Variants in BAX observed in about 807,000 individuals in gnomAD.
BAX encodes the protein BCL2 associated X, apoptosis regulator, also known as apoptosis regulator BAX.
A neutral mutation model predicts 26.8 loss-of-function variants in BAX; 21 were observed. That is an observed-to-expected ratio of 0.78 (90% CI 0.56 to 1.13). The LOEUF is 1.13. BAX is among the 50% of genes most tolerant of loss of function. The probability of loss-of-function intolerance (pLI) is 0.00; values close to 1 mark genes in which losing one functional copy is unlikely to be tolerated. For synonymous variants in BAX, 110 were observed against 101.8 expected, an observed-to-expected ratio of 1.08 and a Z score of -0.49; for missense variants, 236 against 254.6, an observed-to-expected ratio of 0.93 and a Z score of 0.50.
chr19:48,961,100 A>G, intron 5 of BAX, 186 bp downstream of exon 5: 1 of 1,577,828 alleles, frequency 6.3e-7, no homozygotes, highest in Non-Finnish European at 8.6e-7. Flanking sequence ...GTGTCTGATC[A>G]ATCCCCGATT....
chr19:48,960,005 T>G (rs867895259), intron 4 of BAX, among the ~76,000 whole-genome samples: 69 of 24,102 alleles, frequency 2.9e-3, no homozygotes, highest in South Asian at 6.7e-3. Context: ...AAAAAAAAAA[T>G]GGAAGCAGCT....
At chr19:48,959,758 G>A (rs573388209) in intron 4 of BAX, among the ~76,000 whole-genome samples, 2 of 151,006 alleles carry the variant, frequency 1.3e-5, no homozygotes, top group East Asian at 1.9e-4. Flanking sequence ...TCTGGGAGGC[G>A]GAGGTTGCAA....
At chr19:48,955,425 C>T in intron 1 of BAX, 123 bp from the exon 2 acceptor site, 1 of 1,135,754 alleles carries the variant, frequency 8.8e-7, no homozygotes, top group Non-Finnish European at 1.2e-6. Flanking sequence ...ACTTTATCTG[C>T]TAGGGTCCCA....
intron 5 of BAX, 42 bp from the exon 6 acceptor site, chr19:48,961,490 C>A (rs2038357721): frequency 2.0e-6 from 3 of 1,525,392 alleles, no homozygotes; most frequent in Non-Finnish European, 2.7e-6. Flanking sequence ...CAGGGGCTGC[C>A]CCTGGCCGAG....
At chr19:48,955,153 C>G in intron 1 of BAX, 191 bp downstream of exon 1, 1 of 681,124 alleles carries the variant, frequency 1.5e-6, no homozygotes, top group East Asian at 3.4e-5. Context: ...TGTCCCGATC[C>G]CTGCCTCTCT....
chr19:48,954,935 G>A lies in BAX; in HGVS notation c.7G>A (p.Gly3Arg), dbSNP rs553879570. 3 of 1,241,752 alleles carry A rather than the reference G, an allele frequency of 2.4e-6. No homozygotes were observed. The highest frequency in any genetic ancestry group is 3.0e-6 in the Non-Finnish European group (3 of 991,860). The allele number at this position is 1,241,752 out of a possible 1,614,324, so 76.9% of individuals were successfully genotyped here. ...GGCGGCGGGAGCGGCGGTGATGGAC[G>A]GGTCCGGGGAGCAGCCCAGAGGCGG... The part of the protein sequence containing the change: MD[G>R]SGEQPRGGGP... The change falls in exon 1 of 6, where the codon GGG (glycine) becomes AGG (arginine). Residue 3 changes from glycine (G) to arginine (R), a missense_variant. Physicochemically the swap from Gly to Arg is moderately radical, Grantham distance 125. Transcript: ENST00000345358.
chr19:48,959,984 C>T (rs2038291687), intron 4 of BAX, among the ~76,000 whole-genome samples: 1 of 11,012 alleles, frequency 9.1e-5, no homozygotes, highest in African/African-American at 3.3e-4. Context: ...CAGAGCAAGA[C>T]TCCATCTTAA....
chr19:48,960,976 C>T lies in BAX; in HGVS notation c.474+62C>T, dbSNP rs375097351. On this transcript the variant is annotated intron_variant, in intron 5 of 5. Transcript: ENST00000345358. Reference sequence around the variant, plus strand: ...GCCCTCACCACCGCCCCTGCCCCACCGTCCCTGCCCCCCGCCACTCCTCTG... The same window carrying T: ...GCCCTCACCACCGCCCCTGCCCCACTGTCCCTGCCCCCCGCCACTCCTCTG... 60 of 1,612,344 alleles carry T rather than the reference C, an allele frequency of 3.7e-5. No individual in the cohort carries two copies. The Middle Eastern group carries it at 6.6e-4, about 18-fold the overall frequency.
At chr19:48,956,398 C>T (rs1405905655) in intron 4 of BAX, 65 bp downstream of exon 4, 46 of 1,440,230 alleles carry the variant, frequency 3.2e-5, no homozygotes, top group Admixed American at 8.1e-5. Context: ...ACCTGGGGAT[C>T]GTGGTATCAA....
At chr19:48,956,118 T>C in intron 3 of BAX, 80 bp from the exon 4 acceptor site, 1 of 1,434,582 alleles carries the variant, frequency 7.0e-7, no homozygotes, top group Non-Finnish European at 9.2e-7. Context: ...CTCCTTATCT[T>C]TAGTGTGCGG....
chr19:48,956,185 C>A lies in BAX; in HGVS notation c.234-13C>A, dbSNP rs781054379. On this transcript the variant is annotated splice_polypyrimidine_tract_variant and intron_variant, in intron 3 of 5. Transcript: ENST00000345358. ...TGCCTGCTCCCCGGCACTGGTTCTC[C>A]TCTCTCCTGCAGGATGATTGCCGCC... 1 of 1,507,592 alleles carries A rather than the reference C, an allele frequency of 6.6e-7. No homozygotes were observed. The highest frequency in any genetic ancestry group is 8.9e-7 in the Non-Finnish European group (1 of 1,125,546). 93.4% of individuals were successfully genotyped at this position (1,507,592 alleles called of 1,614,324 possible). A position where few individuals can be genotyped will look rare whatever the true frequency, so the allele number is the denominator to read the frequency against.
At chr19:48,961,102 TC>T in intron 5 of BAX, 188 bp downstream of exon 5, 1 of 1,576,356 alleles carries the variant, frequency 6.3e-7, no homozygotes, top group Non-Finnish European at 8.6e-7. Flanking sequence ...GTCTGATCAA[TC>T]CCCGATTCAT....
At position 48,956,206 on chromosome 19, in the gene BAX, C is replaced by A. The variant is rs1288015438; in HGVS notation, c.242C>A (p.Ala81Asp). The A allele has an allele frequency of 6.5e-6, 10 of 1,531,602 alleles. No individual in the cohort carries two copies. In the South Asian group the frequency reaches 9.8e-5, roughly 15 times the overall value. The allele number at this position is 1,531,602 out of a possible 1,614,324, so 94.9% of individuals were successfully genotyped here. A position where few individuals can be genotyped will look rare whatever the true frequency, so the allele number is the denominator to read the frequency against. ...TCTCCTCTCTCCTGCAGGATGATTG[C>A]CGCCGTGGACACAGACTCCCCCCGA... is the stretch of plus-strand genomic sequence containing the variant. The part of the protein sequence containing the change: ...DSNMELQRMI[A>D]AVDTDSPREV... The change falls in exon 4 of 6, where the codon GCC becomes GAC. Residue 81 changes from alanine (A) to aspartate (D), a missense_variant. Transcript: ENST00000345358.
At chr19:48,960,123 C>A in intron 4 of BAX, 1 of 373,762 alleles carries the variant, frequency 2.7e-6, no homozygotes, top group South Asian at 2.0e-5. Context: ...CCTGAGGGTA[C>A]TGGGGAGCCA....
rs558629161 is a variant in BAX at position 48,961,791 on chromosome 19, G to A, written c.*155G>A. 8 of 685,050 alleles carry A rather than the reference G, an allele frequency of 1.2e-5. No homozygotes were observed. The highest frequency in any genetic ancestry group is 9.2e-5 in the South Asian group (5 of 54,600). The allele number at this position is 685,050 out of a possible 1,614,324, so 42.4% of individuals were successfully genotyped here. On this transcript the variant is annotated 3_prime_UTR_variant, in exon 6 of 6. Transcript: ENST00000345358. ...CTTGAGGGGGTAATAAACCTCCTTC[G>A]GGACACACTTCGGCATCTGAGTCAC...
rs372048191 is a variant in BAX at position 48,955,670 on chromosome 19, C to G, written c.87-17C>G. The G allele has an allele frequency of 6.2e-7, 1 of 1,612,066 alleles. No individual in the cohort carries two copies. Among genetic ancestry groups the G allele is most frequent in the Non-Finnish European group, 8.5e-7 (1 of 1,178,706 alleles). Reference sequence around the variant, plus strand: ...ACCCCGTTCTGATTCTGCACCCTCACTCCATCCCCACTCTAGTTTCATCCA... The same window carrying G: ...ACCCCGTTCTGATTCTGCACCCTCAGTCCATCCCCACTCTAGTTTCATCCA... On this transcript the variant is annotated splice_polypyrimidine_tract_variant and intron_variant, in intron 2 of 5. Transcript: ENST00000345358.
intron 5 of BAX, 131 bp from the exon 6 acceptor site, chr19:48,961,401 T>C (rs2038354842): frequency 8.6e-7 from 1 of 1,167,410 alleles, no homozygotes; most frequent in South Asian, 1.5e-5. Flanking sequence ...TCCAGCTCTT[T>C]AATGCCCGTT....
intron 4 of BAX, among the ~76,000 whole-genome samples, chr19:48,957,261 TTTTC>T (rs2038173210): frequency 5.4e-5 from 6 of 111,146 alleles, no homozygotes; most frequent in Non-Finnish European, 1.9e-5. Context: ...AGACTTTTTC[TTTTC>T]TTTTTTTTTT....
chr19:48,957,907 C>G (rs1295651418), intron 4 of BAX, among the ~76,000 whole-genome samples: 1 of 152,042 alleles, frequency 6.6e-6, no homozygotes, highest in Non-Finnish European at 1.5e-5. Flanking sequence ...ATTCTTTTAA[C>G]TTTTCATTAT....
Sources: allele counts gnomAD v4.1 joint callset (sites outside exome capture counted in the v4.1 genomes callset), GRCh38; gene constraint gnomAD v4.1.1; transcripts MANE v1.5; gene names NCBI Gene and HGNC (gene_info 2026-07-23, HGNC 2026-07-21).